ADGRG4: variants seen among roughly 807,000 people sequenced by gnomAD.
ADGRG4 encodes the protein adhesion G protein-coupled receptor G4.
In ADGRG4, 122 loss-of-function variants were observed where a neutral mutation model predicts 126.2. The ratio of observed to expected loss-of-function variants is 0.97; its 90% CI spans 0.83 to 1.12. The LOEUF is 1.12. ADGRG4 is among the 50% of genes most tolerant of loss of function. The pLI is 0.00. For synonymous variants in ADGRG4, 943 were observed against 838.7 expected, an observed-to-expected ratio of 1.12 and a Z score of -2.15; for missense variants, 2,481 against 2,251.8, an observed-to-expected ratio of 1.10 and a Z score of -2.06.
intron 21 of ADGRG4, among the ~76,000 whole-genome samples, chrX:136,402,964 TC>T (rs1447493648): frequency 8.9e-6 from 1 of 112,185 alleles, no homozygotes; most frequent in Non-Finnish European, 1.9e-5. Context: ...ACTAGATACT[TC>T]TTTTGCCAAG....
rs778459520 is a variant in ADGRG4 at position 136,347,998 on chromosome X, A to C, written c.4292A>C (p.Asp1431Ala). The C allele has an allele frequency of 5.0e-6, 6 of 1,209,277 alleles. No individual in the cohort carries two copies. In the South Asian group the frequency reaches 8.8e-5, roughly 18 times the overall value. The change falls in exon 6 of 26, where the codon GAC becomes GCC. Residue 1431 changes from aspartate to alanine, a missense_variant. Asp to Ala is a moderately radical substitution (Grantham distance 126). Transcript: ENST00000394143. ...SSSTRISNPM[D>A]INTTFSHLHS... Reference sequence around the variant, plus strand: ...TCAACAAGGATATCAAATCCTATGGACATCAATACAACTTTTTCACACTTG... The same window carrying C: ...TCAACAAGGATATCAAATCCTATGGCCATCAATACAACTTTTTCACACTTG...
chrX:136,326,137 T>C (rs1312417465), intron 5 of ADGRG4, among the ~76,000 whole-genome samples: 1 of 112,475 alleles, frequency 8.9e-6, no homozygotes, highest in African/African-American at 3.2e-5. Context: ...AGGTAGTAAA[T>C]GTTCTCTCTA....
At chrX:136,312,962 C>T (rs1206717316) in intron 4 of ADGRG4, among the ~76,000 whole-genome samples, 2 of 112,357 alleles carry the variant, frequency 1.8e-5, no homozygotes, top group Admixed American at 9.4e-5. Flanking sequence ...TTTCAAGGTT[C>T]ATCCATGTGT....
At chrX:136,308,130 G>C (rs2074745303) in intron 3 of ADGRG4, among the ~76,000 whole-genome samples, 3 of 112,875 alleles carry the variant, frequency 2.7e-5, no homozygotes, top group African/African-American at 9.6e-5. Flanking sequence ...TTGAGACAGA[G>C]TTTTCACTTG....
In ADGRG4 at chrX:136,348,893, G is replaced by T. The variant is rs2075039392; in HGVS notation, c.5187G>T (p.Val1729=). The change falls in exon 6 of 26, where the codon GTG becomes GTT. Residue 1729 remains valine (V), a synonymous_variant. Transcript: ENST00000394143. ...SGITNRSLST[V]NSGTGVALTD... Reference sequence around the variant, plus strand: ...TTACTAACAGGTCCCTATCTACTGTGAACAGTGGTACAGGGGTAGCTCTCA... The same window carrying T: ...TTACTAACAGGTCCCTATCTACTGTTAACAGTGGTACAGGGGTAGCTCTCA... 8.3e-7 allele frequency: 1 copy of T among 1,202,282 alleles called. No homozygotes were observed. Among genetic ancestry groups the T allele is most frequent in the African/African-American group, 1.8e-5 (1 of 56,547 alleles).
At chrX:136,415,696 G>A (rs1405075829) in intron 25 of ADGRG4, among the ~76,000 whole-genome samples, 1 of 111,785 alleles carries the variant, frequency 8.9e-6, no homozygotes, top group Non-Finnish European at 1.9e-5. Flanking sequence ...GAGCTCCTTA[G>A]TAGATAATAG....
intron 13 of ADGRG4, among the ~76,000 whole-genome samples, chrX:136,364,161 A>G (rs932037610): frequency 1.8e-5 from 2 of 110,927 alleles, no homozygotes; most frequent in African/African-American, 6.6e-5. Flanking sequence ...TTAATTTTTA[A>G]AAAGTTTTAA....
Position 136,395,482 on chromosome X carries a change from G to A in ADGRG4, c.8173G>A (p.Gly2725Arg), listed in dbSNP as rs2075342160. 1 of 1,150,249 alleles carries A rather than the reference G, an allele frequency of 8.7e-7. No individual in the cohort carries two copies. Among genetic ancestry groups the A allele is most frequent in the Non-Finnish European group, 1.2e-6 (1 of 843,386 alleles). 94.8% of individuals were successfully genotyped at this position (1,150,249 alleles called of 1,213,427 possible). The change falls in exon 19 of 26, where the codon GGA (glycine) becomes AGA (arginine). Residue 2725 changes from glycine to arginine, a missense_variant. By Grantham distance (125) the Gly-to-Arg change is moderately radical. Coordinates refer to ENST00000394143, the MANE Select transcript of ADGRG4 (RefSeq NM_153834.4). ...TCAGTGTGACCACCTCACCCATTTT[G>A]GAGTCTTAATGGTGAGTTGTCTCTT... is the stretch of plus-strand genomic sequence containing the variant. ...ICQCDHLTHF[G>R]VLMDLSRSTV...
intron 15 of ADGRG4, among the ~76,000 whole-genome samples, chrX:136,383,243 T>G (rs766015842): frequency 1.5e-3 from 169 of 111,935 alleles, no homozygotes; most frequent in Non-Finnish European, 2.4e-3. Flanking sequence ...AGAAGGGTGT[T>G]AAAATCTCTA....
At chrX:136,363,691 A>G (rs2075141766) in intron 13 of ADGRG4, 96 bp downstream of exon 13, 7 of 569,073 alleles carry the variant, frequency 1.2e-5, no homozygotes, top group Non-Finnish European at 2.1e-5. Context: ...AACCCCACTT[A>G]GGAAAATCTA....
intron 15 of ADGRG4, among the ~76,000 whole-genome samples, chrX:136,382,136 A>G (rs765818535): frequency 3.6e-5 from 4 of 111,471 alleles, no homozygotes; most frequent in Middle Eastern, 4.6e-3. Flanking sequence ...TTGAACCCAT[A>G]CACATTTCCT....
chrX:136,377,653 A>G (rs2075235855), intron 15 of ADGRG4, among the ~76,000 whole-genome samples: 1 of 111,664 alleles, frequency 9.0e-6, no homozygotes, highest in Non-Finnish European at 1.9e-5. Context: ...TTATGTTTAG[A>G]ACTCAATTAA....
In ADGRG4 at chrX:136,345,563, G is replaced by A; in HGVS notation, c.1857G>A (p.Leu619=). The change falls in exon 6 of 26, where the codon TTG becomes TTA. Residue 619 remains leucine (L), a synonymous_variant. Transcript: ENST00000394143. ...TQNTPTADGH[L]LTLMSTRSAS... ...ATACACCTACAGCTGATGGACACTT[G>A]CTTACTTTGATGTCCACTAGATCAG... The A allele has an allele frequency of 8.3e-7, 1 of 1,209,706 alleles. No homozygotes were observed.
intron 22 of ADGRG4, among the ~76,000 whole-genome samples, chrX:136,403,603 T>A (rs1411209286): frequency 8.9e-6 from 1 of 112,302 alleles, no homozygotes; most frequent in African/African-American, 3.2e-5. Flanking sequence ...AATGATATGA[T>A]GTATGAAATG....
Position 136,304,205 on chromosome X carries a change from C to A in ADGRG4, c.-181C>A, listed in dbSNP as rs927184710. On this transcript the variant is annotated splice_region_variant and 5_prime_UTR_variant, in exon 2 of 26. Coordinates refer to ENST00000394143, the MANE Select transcript of ADGRG4 (RefSeq NM_153834.4). Reference sequence around the variant, plus strand: ...TGGAAGATACCCGTTGAAGCCCTCCCAGGTGACAATTGTTTTCCTGACAAA... The same window carrying A: ...TGGAAGATACCCGTTGAAGCCCTCCAAGGTGACAATTGTTTTCCTGACAAA... The A allele has an allele frequency of 3.6e-5, 4 of 111,905 alleles. No homozygotes were observed. Among genetic ancestry groups the A allele is most frequent in the Admixed American group, 9.5e-5 (1 of 10,531 alleles). The allele number at this position is 111,905 out of a possible 1,213,427, so 9.2% of individuals were successfully genotyped here.
chrX:136,363,532 T>C lies in ADGRG4; in HGVS notation c.7333T>C (p.Cys2445Arg). 2.5e-6 allele frequency: 3 copies of C among 1,203,540 alleles called. No homozygotes were observed. The highest frequency in any genetic ancestry group is 3.4e-6 in the Non-Finnish European group (3 of 887,906). Residue 2445 changes from cysteine (C) to arginine (R), a missense_variant, in exon 13 of 26, where the codon TGC (cysteine) becomes CGC (arginine). Physicochemically the swap from Cys to Arg is radical, Grantham distance 180 (BLOSUM62 -3). Transcript: ENST00000394143. ...GTGGGAAAAGCCAAAGTTTAAACAA[T>C]GCAAATTGCTTCAAGAACTTCCTGA... Reference protein sequence around the residue: ...SQWEKPKFKQCKLLQELPDKI... With the variant: ...SQWEKPKFKQRKLLQELPDKI...
rs745479559 is a variant in ADGRG4, at chrX:136,323,215, G to T, written c.508G>T (p.Glu170Ter). 3 of 1,211,509 alleles carry T rather than the reference G, an allele frequency of 2.5e-6. No homozygotes were observed. Among genetic ancestry groups the T allele is most frequent in the Non-Finnish European group, 3.4e-6 (3 of 895,318 alleles). The change falls in exon 5 of 26, where the codon GAG (glutamate) becomes TAG (stop). Residue 170 changes from glutamate to a stop codon, truncating the protein, a stop_gained. Coordinates refer to ENST00000394143, the MANE Select transcript of ADGRG4 (RefSeq NM_153834.4). LOFTEE classifies it high-confidence loss of function. ...GCACTTTCTCAAGAATGAGAGCAGC[G>T]AGGTTAAAAGCATGATGCGTAGCTT... ...LGHFLKNESSEVKSMMRSFPG... is the reference protein window; with the variant it reads ...LGHFLKNESS
intron 4 of ADGRG4, among the ~76,000 whole-genome samples, chrX:136,321,870 A>G (rs1253251568): frequency 8.9e-6 from 1 of 112,438 alleles, no homozygotes; most frequent in Admixed American, 9.4e-5. Context: ...ATAATCTTGT[A>G]AAGTCATCAG....
intron 16 of ADGRG4, among the ~76,000 whole-genome samples, chrX:136,389,864 G>T (rs1340076679): frequency 8.9e-6 from 1 of 112,145 alleles, no homozygotes; most frequent in Non-Finnish European, 1.9e-5. Flanking sequence ...CATTAAAGGG[G>T]TGACCCTAGG....
Sources: gnomAD v4.1 joint callset for allele counts (sites outside exome capture counted in the v4.1 genomes callset) on GRCh38, gnomAD v4.1.1 for gene constraint, MANE v1.5 for transcripts, NCBI Gene and HGNC (gene_info 2026-07-23, HGNC 2026-07-21) for gene names.